The following SUMF1 variants were observed in gnomAD, a reference collection of about 807,000 sequenced individuals.
SUMF1 encodes the protein sulfatase modifying factor 1.
Under a neutral mutation model 47.6 loss-of-function variants are expected in SUMF1, and 48 were observed. That is an observed-to-expected ratio of 1.01 (90% CI 0.80 to 1.28). SUMF1 has a LOEUF of 1.28. Ranked by LOEUF, SUMF1 falls within the 50% of genes most tolerant of loss-of-function variation. SUMF1 has a pLI of 0.00. For missense variants in SUMF1, 571 were observed against 485.4 expected (o/e 1.18, Z -1.66); for synonymous variants, 230 against 192.1 (o/e 1.20, Z -1.63).
chr3:4,146,942 GA>G lies in SUMF1; in HGVS notation c.1015-78198del, dbSNP rs796699463. 2.6e-5 allele frequency among the ~76,000 whole-genome samples: 4 copies of G among 152,158 alleles called. No individual in the cohort carries two copies. In the South Asian group the frequency reaches 8.3e-4, roughly 32 times the overall value. Reference sequence around the variant, plus strand: ...TTCTTAATCCAGGCTATCGTTGTTGGACATTTGGCTTGGTTCCAAGTCTTTG... The same window carrying G: ...TTCTTAATCCAGGCTATCGTTGTTGGCATTTGGCTTGGTTCCAAGTCTTTG... On this transcript the variant is annotated intron_variant and NMD_transcript_variant, in intron 8 of 12. Coordinates refer to the SUMF1 transcript ENST00000448413.
chr3:4,298,876 C>G (rs550829989), intron 8 of SUMF1, among the ~76,000 whole-genome samples: 1 of 152,284 alleles, frequency 6.6e-6, no homozygotes, highest in Non-Finnish European at 1.5e-5. Context: ...TTATCTCCAG[C>G]CAATCTGAAA....
intron 8 of SUMF1, among the ~76,000 whole-genome samples, chr3:4,246,411 T>C (rs1196912111): frequency 1.3e-5 from 2 of 152,024 alleles, no homozygotes; most frequent in East Asian, 3.9e-4. Flanking sequence ...TTTGTTTTTG[T>C]TTTTGTTTTT....
intron 1 of SUMF1, among the ~76,000 whole-genome samples, chr3:4,459,448 A>C (rs763110665): frequency 1.6e-4 from 25 of 152,226 alleles, no homozygotes; most frequent in Non-Finnish European, 2.9e-4. Context: ...GAAGCATTAG[A>C]AAAATAACAT....
At chr3:4,308,613 C>A (rs901124304) in intron 8 of SUMF1, among the ~76,000 whole-genome samples, 1 of 152,158 alleles carries the variant, frequency 6.6e-6, no homozygotes, top group African/African-American at 2.4e-5. Context: ...CCTAGCCAGT[C>A]ACTTGTCCAG....
At chr3:4,282,429 T>C (rs1697547460) in intron 8 of SUMF1, among the ~76,000 whole-genome samples, 1 of 152,180 alleles carries the variant, frequency 6.6e-6, no homozygotes, top group Non-Finnish European at 1.5e-5. Context: ...TCTACAATAA[T>C]TAGTTAGAAT....
At chr3:4,223,674 T>G (rs1696114566) in intron 8 of SUMF1, among the ~76,000 whole-genome samples, 1 of 152,110 alleles carries the variant, frequency 6.6e-6, no homozygotes, top group African/African-American at 2.4e-5. Flanking sequence ...CAACTCAAGA[T>G]TCACCCTCCA....
rs1693687576 is a variant in SUMF1 at position 4,127,710 on chromosome 3, C to T, written c.1015-58965G>A. Among the ~76,000 whole-genome samples, 5 of 152,240 alleles carry T rather than the reference C, an allele frequency of 3.3e-5. No individual in the cohort carries two copies. In the South Asian group the frequency reaches 1.0e-3, roughly 32 times the overall value. ...AAATATTATATATATTCCATTAGTT[C>T]TGTTCCCCTAGCAAACCCTGACTAA... On this transcript the variant is annotated intron_variant and NMD_transcript_variant, in intron 8 of 12. Transcript: ENST00000448413.
At chr3:4,280,819 G>A (rs1244062604) in intron 8 of SUMF1, among the ~76,000 whole-genome samples, 4 of 7,936 alleles carry the variant, frequency 5.0e-4, no homozygotes, top group Non-Finnish European at 1.2e-3. Flanking sequence ...TTCACCGTGT[G>A]TGTGTGTGTG....
chr3:4,262,246 AGT>A (rs1007325966), intron 8 of SUMF1, among the ~76,000 whole-genome samples: 3 of 152,080 alleles, frequency 2.0e-5, no homozygotes, highest in Non-Finnish European at 4.4e-5. Context: ...CAACCTCCGA[AGT>A]GTGATGGAGA....
intron 8 of SUMF1, among the ~76,000 whole-genome samples, chr3:4,295,321 C>T (rs3943074): frequency 0.32 from 49,243 of 151,566 alleles, 9,190 homozygotes; most frequent in Non-Finnish European, 0.43. Context: ...TGGTATCCAG[C>T]GAAATTATCC....
chr3:4,332,533 C>T (rs1210622826), intron 8 of SUMF1, among the ~76,000 whole-genome samples: 1 of 152,176 alleles, frequency 6.6e-6, no homozygotes, highest in African/African-American at 2.4e-5. Flanking sequence ...TGACTTGTCA[C>T]ATTAAAACAA....
At chr3:4,316,864 A>G (rs1351337627) in intron 8 of SUMF1, 23 of 1,549,646 alleles carry the variant, frequency 1.5e-5, no homozygotes, top group Non-Finnish European at 2.0e-5. Flanking sequence ...ACATCTGAGA[A>G]GTATGCTCAG....
chr3:4,204,627 T>C (rs1315270300), intron 8 of SUMF1, among the ~76,000 whole-genome samples: 1 of 152,154 alleles, frequency 6.6e-6, no homozygotes, highest in East Asian at 1.9e-4. Context: ...TTTGCCCTTT[T>C]GAGGCTCTTT....
chr3:4,052,180 C>T (rs1483269633), intron 9 of SUMF1, among the ~76,000 whole-genome samples: 1 of 152,098 alleles, frequency 6.6e-6, no homozygotes, highest in African/African-American at 2.4e-5. Context: ...TCACAGATGG[C>T]ACCTTCTCAA....
chr3:4,363,473 C>T (rs2125180305), intron 8 of SUMF1, among the ~76,000 whole-genome samples: 1 of 151,612 alleles, frequency 6.6e-6, no homozygotes, highest in East Asian at 1.9e-4. Context: ...GTATTTTATT[C>T]TCTTTGAAGT....
intron 8 of SUMF1, among the ~76,000 whole-genome samples, chr3:4,129,933 C>T (rs1693746307): frequency 6.6e-6 from 1 of 152,096 alleles, no homozygotes; most frequent in Non-Finnish European, 1.5e-5. Flanking sequence ...TTGGCAGAAC[C>T]CCCACATTGG....
chr3:4,386,652 C>A (rs1309384866), intron 7 of SUMF1, among the ~76,000 whole-genome samples: 1 of 151,958 alleles, frequency 6.6e-6, no homozygotes, highest in South Asian at 2.1e-4. Context: ...AATAAGAGTT[C>A]TGGAAACAGA....
intron 8 of SUMF1, among the ~76,000 whole-genome samples, chr3:4,167,281 T>TG (rs371406354): frequency 0.077 from 11,747 of 152,254 alleles, 658 homozygotes; most frequent in Non-Finnish European, 0.12. Context: ...TGCTGCTGGC[T>TG]GGGGTGGCCA....
chr3:4,352,846 G>T (rs1219833386), intron 8 of SUMF1, among the ~76,000 whole-genome samples: 1 of 151,942 alleles, frequency 6.6e-6, no homozygotes, highest in Non-Finnish European at 1.5e-5. Flanking sequence ...AAAACAAACA[G>T]GAAGGAAGTG....
Sources: gnomAD v4.1 joint callset for allele counts (sites outside exome capture counted in the v4.1 genomes callset) on GRCh38, gnomAD v4.1.1 for gene constraint, MANE v1.5 for transcripts, NCBI Gene and HGNC (gene_info 2026-07-23, HGNC 2026-07-21) for gene names.